The following PAXBP1 variants were observed in gnomAD, a reference collection of about 807,000 sequenced individuals.
PAXBP1 encodes PAX3- and PAX7-binding protein 1.
In PAXBP1, 44 loss-of-function variants were observed where a neutral mutation model predicts 119.9. The observed-to-expected ratio is 0.37, with a 90% CI of 0.29 to 0.47. The LOEUF is 0.47. Among genes scored for constraint, PAXBP1 ranks in the 20% least tolerant of loss-of-function variants. The pLI is 0.99. For synonymous variants in PAXBP1, 393 were observed against 406.6 expected (o/e 0.97, Z 0.40); for missense variants, 898 against 1,134.1 (o/e 0.79, Z 2.99).
chr21:32,750,837 T>C (rs375326935), intron 10 of PAXBP1, 80 bp downstream of exon 10: 1 of 1,039,410 alleles, frequency 9.6e-7, no homozygotes, highest in Non-Finnish European at 1.4e-6. Context: ...CCATGAAGAT[T>C]CAAATCATTT....
chr21:32,759,954 T>C lies in PAXBP1; in HGVS notation c.1016A>G (p.Gln339Arg). 1 of 1,614,158 alleles carries C rather than the reference T, an allele frequency of 6.2e-7. No individual in the cohort carries two copies. Among genetic ancestry groups the C allele is most frequent in the Non-Finnish European group, 8.5e-7 (1 of 1,179,954 alleles). Reference protein sequence around the residue: ...SQPAEVNMYYQNTYQTMPYGS... With the variant: ...SQPAEVNMYYRNTYQTMPYGS... ...GTAAGGCATTGTCTGGTAAGTGTTC[T>C]GGTAGTACATATTCACTTCTGCGGG... The change falls in exon 6 of 18, where the codon CAG becomes CGG. Residue 339 changes from glutamine to arginine, a missense_variant. Transcript: ENST00000331923.
At position 32,771,605 on chromosome 21, in the gene PAXBP1, C is replaced by G. The variant is rs933227874; in HGVS notation, c.64G>C (p.Glu22Gln). The change falls in exon 1 of 18, where the codon GAA becomes CAA. Residue 22 changes from glutamate (E) to glutamine (Q), a missense_variant. Glu to Gln is a conservative substitution (Grantham distance 29, BLOSUM62 2). Around this residue, in one of 2 missense-constraint regions of PAXBP1, gnomAD observed 299 missense variants for 281.4 expected, o/e 1.06. Transcript: ENST00000331923. Reference protein sequence around the residue: ...KRNDSEEEERERDEEQEPPPL... With the variant: ...KRNDSEEEERQRDEEQEPPPL... ...GGCGGCTCCTGCTCCTCATCGCGTT[C>G]CCGCTCTTCCTCTTCGGAGTCGTTC... The G allele has an allele frequency of 6.8e-7, 1 of 1,467,086 alleles. No individual in the cohort carries two copies. Among genetic ancestry groups the G allele is most frequent in the Non-Finnish European group, 9.0e-7 (1 of 1,114,710 alleles). The allele number at this position is 1,467,086 out of a possible 1,614,324, so 90.9% of individuals were successfully genotyped here.
At chr21:32,744,750 A>G (rs761004623) in intron 13 of PAXBP1, 42 bp downstream of exon 13, 2 of 1,515,020 alleles carry the variant, frequency 1.3e-6, no homozygotes, top group African/African-American at 1.4e-5. Flanking sequence ...TATTCAACAG[A>G]AAGAGGAAAA....
chr21:32,769,752 T>G, intron 2 of PAXBP1, 62 bp downstream of exon 2: 1 of 1,558,188 alleles, frequency 6.4e-7, no homozygotes, highest in Non-Finnish European at 8.7e-7. Context: ...ATACAGCAAA[T>G]CACTGTGAGA....
chr21:32,765,640 T>C (rs2044227830), intron 2 of PAXBP1, among the ~76,000 whole-genome samples: 1 of 152,176 alleles, frequency 6.6e-6, no homozygotes. Flanking sequence ...GTCCCAGAGA[T>C]AACATCCCTC....
intron 5 of PAXBP1, among the ~76,000 whole-genome samples, chr21:32,760,293 A>G (rs1436194374): frequency 1.3e-5 from 2 of 152,188 alleles, no homozygotes; most frequent in African/African-American, 2.4e-5. Flanking sequence ...TGCCTTGCCC[A>G]TGGTCACAGA....
In PAXBP1 at chr21:32,761,142, C is replaced by T. The variant is rs1355598051; in HGVS notation, c.892G>A (p.Asp298Asn). The T allele has an allele frequency of 3.1e-6, 5 of 1,613,986 alleles. No individual in the cohort carries two copies. The highest frequency in any genetic ancestry group is 1.6e-4 in the Middle Eastern group (1 of 6,062). Residue 298 changes from aspartate to asparagine, a missense_variant, in exon 5 of 18, where the codon GAT becomes AAT. Transcript: ENST00000331923. ...EEIGIEGSDD[D>N]ALVTGEQDEE... ...TCCTGTTCTCCAGTTACTAAAGCAT[C>T]ATCATCACTCCCCTCAATTCCTACA...
At position 32,771,592 on chromosome 21, in the gene PAXBP1, T is replaced by G. The variant is rs1360869018; in HGVS notation, c.77A>C (p.Glu26Ala). 2.7e-6 allele frequency: 4 copies of G among 1,462,124 alleles called. No individual in the cohort carries two copies. Among genetic ancestry groups the G allele is most frequent in the Admixed American group, 5.1e-5 (2 of 39,550 alleles). 90.6% of individuals were successfully genotyped at this position (1,462,124 alleles called of 1,614,324 possible). A position where few individuals can be genotyped will look rare whatever the true frequency, so the allele number is the denominator to read the frequency against. ...CGGCAACAACGGCGGCGGCTCCTGCTCCTCATCGCGTTCCCGCTCTTCCTC... is the reference window on the plus strand; with the variant it reads ...CGGCAACAACGGCGGCGGCTCCTGCGCCTCATCGCGTTCCCGCTCTTCCTC... ...SEEEERERDEEQEPPPLLPPP... is the reference protein window; with the variant it reads ...SEEEERERDEAQEPPPLLPPP... The change falls in exon 1 of 18, where the codon GAG becomes GCG. Residue 26 changes from glutamate to alanine, a missense_variant. Transcript: ENST00000331923.
At chr21:32,755,068 A>T (rs913637195) in intron 8 of PAXBP1, 162 bp downstream of exon 8, 13 of 759,900 alleles carry the variant, frequency 1.7e-5, no homozygotes, top group Non-Finnish European at 2.5e-5. Context: ...ACACAATTCA[A>T]GTACATGCTG....
At chr21:32,769,348 G>T (rs953641692) in intron 2 of PAXBP1, among the ~76,000 whole-genome samples, 1 of 151,928 alleles carries the variant, frequency 6.6e-6, no homozygotes, top group Non-Finnish European at 1.5e-5. Context: ...TATCAGATAA[G>T]GCTGCTGAAT....
intron 11 of PAXBP1, among the ~76,000 whole-genome samples, chr21:32,746,716 C>A (rs2043877408): frequency 6.6e-6 from 1 of 152,064 alleles, no homozygotes; most frequent in Admixed American, 6.6e-5. Flanking sequence ...GCCATTTGAC[C>A]CAGCAATCCC....
chr21:32,744,609 A>G (rs2043844378), intron 13 of PAXBP1, among the ~76,000 whole-genome samples, 183 bp downstream of exon 13: 1 of 152,050 alleles, frequency 6.6e-6, no homozygotes, highest in African/African-American at 2.4e-5. Context: ...CTAGGTATAA[A>G]AAAAAGAAAA....
chr21:32,766,332 TGTCAGTG>T (rs1323053659), intron 2 of PAXBP1, among the ~76,000 whole-genome samples: 1 of 152,246 alleles, frequency 6.6e-6, no homozygotes, highest in Admixed American at 6.5e-5. Context: ...GATATGTGAA[TGTCAGTG>T]GTCACATGTT....
At chr21:32,764,253 C>T in intron 3 of PAXBP1, 95 bp downstream of exon 3, 1 of 1,182,940 alleles carries the variant, frequency 8.5e-7, no homozygotes, top group South Asian at 1.6e-5. Context: ...TAATAAGAAA[C>T]ACCACTCAGC....
intron 2 of PAXBP1, 36 bp downstream of exon 2, chr21:32,769,778 G>T: frequency 1.3e-6 from 2 of 1,589,538 alleles, no homozygotes; most frequent in Non-Finnish European, 1.7e-6. Flanking sequence ...CTTTCATTTT[G>T]TCATTTCAAA....
chr21:32,740,485 T>C (rs1043428872), intron 15 of PAXBP1, among the ~76,000 whole-genome samples: 5 of 152,212 alleles, frequency 3.3e-5, no homozygotes, highest in African/African-American at 7.2e-5. Flanking sequence ...TTGGTGTTCA[T>C]AGGACAAAGG....
At chr21:32,771,281 G>A (rs764540956) in intron 1 of PAXBP1, 45 bp downstream of exon 1, 15 of 1,509,212 alleles carry the variant, frequency 9.9e-6, no homozygotes, top group Admixed American at 1.9e-5. Context: ...GGGGGCCTGC[G>A]TCGGGGATGC....
Position 32,758,665 on chromosome 21 carries a change from A to C in PAXBP1, c.1383+415T>G, listed in dbSNP as rs951370864. 1.1e-4 allele frequency among the ~76,000 whole-genome samples: 17 copies of C among 149,308 alleles called. No individual in the cohort carries two copies. The East Asian group carries it at 2.7e-3, about 24-fold the overall frequency. On this transcript the variant is annotated intron_variant, in intron 7 of 17. Transcript: ENST00000331923. ...AGGGTAAAAAAAAAAAAAAAAAAAA[A>C]ACTAATAAAAATTTGCAACTTTATA... is the stretch of plus-strand genomic sequence containing the variant.
Position 32,744,918 on chromosome 21 carries a change from T to G in PAXBP1, c.2069-5A>C, listed in dbSNP as rs1276833837. 2 of 1,595,468 alleles carry G rather than the reference T, an allele frequency of 1.3e-6. No homozygotes were observed. Among genetic ancestry groups the G allele is most frequent in the East Asian group, 4.5e-5 (2 of 44,454 alleles). ...CCCACATATTTTCAGCTATCACTAT[T>G]AAGAAAAAAAGAGGATTGAGACACA... On this transcript the variant is annotated splice_region_variant and splice_polypyrimidine_tract_variant and intron_variant, in intron 12 of 17. Coordinates refer to ENST00000331923, the MANE Select transcript of PAXBP1 (RefSeq NM_016631.4).
Sources: allele counts gnomAD v4.1 joint callset (sites outside exome capture counted in the v4.1 genomes callset), GRCh38; gene constraint gnomAD v4.1.1; regional missense constraint gnomAD v4.1.1; transcripts MANE v1.5; gene names NCBI Gene and HGNC (gene_info 2026-07-23, HGNC 2026-07-21).